Variants in KCNK2 observed in about 807,000 individuals in gnomAD.
The protein encoded by KCNK2 is potassium channel subfamily K member 2.
A neutral mutation model predicts 40.5 loss-of-function variants in KCNK2; 21 were observed. The observed-to-expected ratio is 0.52, with a 90% CI of 0.37 to 0.75. KCNK2 has a LOEUF of 0.75. Among genes scored for constraint, KCNK2 ranks in the 30% least tolerant of loss-of-function variants. The pLI is 0.00. For synonymous variants in KCNK2, 191 were observed against 202.2 expected (o/e 0.94, Z 0.47); for missense variants, 399 against 531.6 (o/e 0.75, Z 2.45).
At chr1:215,233,298 A>G (rs559931850) in intron 6 of KCNK2, among the ~76,000 whole-genome samples, 18 of 152,262 alleles carry the variant, frequency 1.2e-4, no homozygotes, top group Non-Finnish European at 2.6e-4. Context: ...TTAAGACAGT[A>G]TAACTAGGAA....
At chr1:215,015,250 A>G (rs907734317) in intron 1 of KCNK2, among the ~76,000 whole-genome samples, 1 of 151,958 alleles carries the variant, frequency 6.6e-6, no homozygotes, top group Admixed American at 6.6e-5. Context: ...TTTCTTTTCT[A>G]TATTGGACTC....
intron 5 of KCNK2, among the ~76,000 whole-genome samples, chr1:215,173,276 A>C (rs1023864494): frequency 6.6e-6 from 1 of 152,134 alleles, no homozygotes; most frequent in African/African-American, 2.4e-5. Context: ...AGCTTCATCC[A>C]TGTCCCTACA....
At chr1:215,086,791 C>A in intron 2 of KCNK2, 113 bp downstream of exon 2, 1 of 902,412 alleles carries the variant, frequency 1.1e-6, no homozygotes, top group Non-Finnish European at 1.7e-6. Context: ...AGCCCTATCC[C>A]ACCTCATTTG....
intron 3 of KCNK2, among the ~76,000 whole-genome samples, chr1:215,161,465 A>T (rs1317935811): frequency 6.6e-6 from 1 of 151,892 alleles, no homozygotes; most frequent in Non-Finnish European, 1.5e-5. Flanking sequence ...ACATGTGCAG[A>T]ACATGAAGAT....
intron 6 of KCNK2, among the ~76,000 whole-genome samples, chr1:215,209,183 T>C (rs1288288577): frequency 3.6e-5 from 5 of 140,172 alleles, no homozygotes; most frequent in Admixed American, 8.0e-5. Flanking sequence ...TTATGATATC[T>C]AGTTATAAAT....
intron 2 of KCNK2, among the ~76,000 whole-genome samples, chr1:215,110,902 T>C (rs746903376): frequency 4.0e-4 from 61 of 152,108 alleles, no homozygotes; most frequent in Admixed American, 9.2e-4. Flanking sequence ...CTTGGTGTTG[T>C]AGAGTCTATG....
intron 1 of KCNK2, among the ~76,000 whole-genome samples, chr1:215,063,220 T>C (rs182285648): frequency 3.9e-5 from 6 of 152,154 alleles, no homozygotes; most frequent in African/African-American, 1.4e-4. Context: ...TGGAGAAACA[T>C]GCAATTGAAG....
At chr1:215,205,508 G>T (rs998807690) in intron 6 of KCNK2, among the ~76,000 whole-genome samples, 10 of 152,292 alleles carry the variant, frequency 6.6e-5, no homozygotes, top group African/African-American at 2.4e-4. Flanking sequence ...CTCCCAAAGT[G>T]CTGGGATTAC....
intron 5 of KCNK2, among the ~76,000 whole-genome samples, chr1:215,190,887 C>T (rs1347305594): frequency 1.3e-5 from 2 of 152,196 alleles, no homozygotes; most frequent in Middle Eastern, 3.4e-3. Flanking sequence ...TCCCACTCTT[C>T]CAATCTGATT....
At chr1:215,130,584 C>T (rs77384251) in intron 3 of KCNK2, among the ~76,000 whole-genome samples, 7,484 of 152,178 alleles carry the variant, frequency 0.049, 607 homozygotes, top group African/African-American at 0.17. Context: ...GTGGACTGAG[C>T]TCTTAATCTG....
intron 3 of KCNK2, among the ~76,000 whole-genome samples, chr1:215,136,413 A>T (rs1185969428): frequency 6.6e-6 from 1 of 152,188 alleles, no homozygotes; most frequent in Admixed American, 6.5e-5. Context: ...ATAGCATATA[A>T]TGTTATCTTG....
chr1:215,019,086 TG>T (rs1656698231), intron 1 of KCNK2, among the ~76,000 whole-genome samples: 1 of 152,196 alleles, frequency 6.6e-6, no homozygotes, highest in Non-Finnish European at 1.5e-5. Flanking sequence ...ACATGAGCCC[TG>T]TTGTCCTTAT....
chr1:215,206,411 T>C (rs1422316787), intron 6 of KCNK2, among the ~76,000 whole-genome samples: 2 of 152,138 alleles, frequency 1.3e-5, no homozygotes, highest in Non-Finnish European at 2.9e-5. Flanking sequence ...AATGTAATAT[T>C]CTAAGGAAAT....
At chr1:215,019,162 T>C (rs1656700275) in intron 1 of KCNK2, among the ~76,000 whole-genome samples, 1 of 152,230 alleles carries the variant, frequency 6.6e-6, no homozygotes, top group Non-Finnish European at 1.5e-5. Context: ...TTTATACTTA[T>C]AATAAAAAAT....
At chr1:215,102,465 A>T (rs1378922153) in intron 2 of KCNK2, among the ~76,000 whole-genome samples, 1 of 149,786 alleles carries the variant, frequency 6.7e-6, no homozygotes, top group Non-Finnish European at 1.5e-5. Context: ...TCAAAATGTT[A>T]AAAAAAATTT....
chr1:215,115,726 CTTT>C (rs5780816), intron 2 of KCNK2, among the ~76,000 whole-genome samples: 58 of 150,778 alleles, frequency 3.8e-4, no homozygotes, highest in African/African-American at 1.3e-3. Context: ...TCATGCTTTC[CTTT>C]TTTTTTTAAA....
chr1:215,157,029 C>A (rs909529669), intron 3 of KCNK2, among the ~76,000 whole-genome samples: 1 of 152,060 alleles, frequency 6.6e-6, no homozygotes, highest in Non-Finnish European at 1.5e-5. Flanking sequence ...CCAGCCTGGG[C>A]AACAAGAGCA....
intron 1 of KCNK2, among the ~76,000 whole-genome samples, chr1:215,051,503 G>T (rs1410206936): frequency 1.3e-5 from 2 of 152,124 alleles, no homozygotes; most frequent in African/African-American, 4.8e-5. Context: ...AGCCATTAGA[G>T]CCAGGGCAGC....
At chr1:215,206,389 C>T (rs1041615712) in intron 6 of KCNK2, among the ~76,000 whole-genome samples, 1 of 152,110 alleles carries the variant, frequency 6.6e-6, no homozygotes, top group Non-Finnish European at 1.5e-5. Flanking sequence ...GAATCACAGT[C>T]TCACATGATT....
Sources: allele counts gnomAD v4.1 joint callset (sites outside exome capture counted in the v4.1 genomes callset), GRCh38; gene constraint gnomAD v4.1.1; transcripts MANE v1.5; gene names NCBI Gene and HGNC (gene_info 2026-07-23, HGNC 2026-07-21).